The following PCDHGB4 variants were observed in gnomAD, a reference collection of about 807,000 sequenced individuals.
PCDHGB4 encodes protocadherin gamma-B4.
A neutral mutation model predicts 60.5 loss-of-function variants in PCDHGB4; 38 were observed. The observed-to-expected ratio is 0.63, with a 90% CI of 0.48 to 0.82. The LOEUF (loss-of-function observed/expected upper bound fraction) is 0.82. Among genes scored for constraint, PCDHGB4 ranks in the 40% least tolerant of loss-of-function variants. The pLI is 0.00. For missense variants in PCDHGB4, 1,109 were observed against 1,209.6 expected, an observed-to-expected ratio of 0.92 and a Z score of 1.23; for synonymous variants, 456 against 509.7, an observed-to-expected ratio of 0.89 and a Z score of 1.42.
chr5:141,477,066 T>C lies in PCDHGB4; in HGVS notation c.2398-17741T>C. ...CGGCTGGACTTCGAGGACACCAAAC[T>C]CCATGAGATTTACATCCAGGCCAAA... On this transcript the variant is annotated intron_variant, in intron 1 of 3. Coordinates refer to ENST00000519479, the MANE Select transcript of PCDHGB4 (RefSeq NM_003736.4). This position sits in a 1 kb window ranked among gnomAD's most constrained non-coding sequence, Gnocchi z 4.9. 6.2e-7 allele frequency: 1 copy of C among 1,614,148 alleles called. No homozygotes were observed. The highest frequency in any genetic ancestry group is 8.5e-7 in the Non-Finnish European group (1 of 1,180,028).
rs200931939 is a variant in PCDHGB4, at chr5:141,423,096, C to T, written c.2397+32815C>T. On this transcript the variant is annotated intron_variant, in intron 1 of 3. Transcript: ENST00000519479. Reference sequence around the variant, plus strand: ...CGGGACTCTTCGCGGTGGGGGAGCACACGGGCGAGGTGCGTACAGCGCGGG... The same window carrying T: ...CGGGACTCTTCGCGGTGGGGGAGCATACGGGCGAGGTGCGTACAGCGCGGG... The T allele has an allele frequency of 3.8e-5, 61 of 1,613,974 alleles. No individual in the cohort carries two copies. In the East Asian group the frequency reaches 1.3e-3, roughly 35 times the overall value.
intron 1 of PCDHGB4, among the ~76,000 whole-genome samples, chr5:141,448,086 T>TA (rs558292628): frequency 0.011 from 1,579 of 146,268 alleles, 11 homozygotes; most frequent in Non-Finnish European, 0.016. Context: ...AATGCCATCT[T>TA]AAAAAAAAAA....
At position 141,388,343 on chromosome 5, in the gene PCDHGB4, A is replaced by G. The variant is rs2091322753; in HGVS notation, c.459A>G (p.Ile153Met). ...SESAQPGTRF[I>M]LGSAHDADIG... ...CTGCACAGCCTGGCACACGATTTAT[A>G]TTAGGATCTGCCCATGATGCGGATA... The change falls in exon 1 of 4, where the codon ATA becomes ATG. Residue 153 changes from isoleucine (I) to methionine (M), a missense_variant. Physicochemically the swap from Ile to Met is conservative, Grantham distance 10 (BLOSUM62 1). Coordinates refer to ENST00000519479, the MANE Select transcript of PCDHGB4 (RefSeq NM_003736.4). 3 of 1,614,008 alleles carry G rather than the reference A, an allele frequency of 1.9e-6. No individual in the cohort carries two copies. The East Asian group carries it at 6.7e-5, about 36-fold the overall frequency.
chr5:141,439,632 T>C (rs1335553818), intron 1 of PCDHGB4, among the ~76,000 whole-genome samples: 1 of 152,182 alleles, frequency 6.6e-6, no homozygotes, highest in Non-Finnish European at 1.5e-5. Context: ...TCCCCAGACA[T>C]TCCGGCTTGG....
intron 1 of PCDHGB4, chr5:141,397,974 C>T: frequency 1.7e-6 from 2 of 1,174,456 alleles, no homozygotes; most frequent in Non-Finnish European, 1.2e-6. Context: ...TCCCCAGCGC[C>T]GGCCTTTACA....
At chr5:141,390,969 G>A (rs1232299434) in intron 1 of PCDHGB4, 5 of 152,168 alleles carry the variant, frequency 3.3e-5, no homozygotes, top group African/African-American at 4.8e-5. Flanking sequence ...TGTAACATAG[G>A]AGTTTCAGGA....
At chr5:141,393,228 G>C (rs753113857) in intron 1 of PCDHGB4, 2 of 1,613,720 alleles carry the variant, frequency 1.2e-6, no homozygotes, top group East Asian at 2.2e-5. Context: ...CGAAGATCTA[G>C]AAGTAAAAAT....
chr5:141,417,038 T>TTA (rs1491140470), intron 1 of PCDHGB4: 1 of 145,854 alleles, frequency 6.9e-6, no homozygotes, highest in Non-Finnish European at 1.5e-5. Context: ...GTTTTTTTTT[T>TTA]AAAAAAAACT....
At position 141,430,917 on chromosome 5, in the gene PCDHGB4, G is replaced by A. The variant is rs2097324810; in HGVS notation, c.2397+40636G>A. ...GTGGGCGACATCTCCAGGGACCTGG[G>A]GCTGGAGCCCCGGGAGCTCGCGGAG... On this transcript the variant is annotated intron_variant, in intron 1 of 3. Coordinates refer to ENST00000519479, the MANE Select transcript of PCDHGB4 (RefSeq NM_003736.4). The A allele has an allele frequency of 1.9e-6, 3 of 1,607,956 alleles. No individual in the cohort carries two copies. The highest frequency in any genetic ancestry group is 2.5e-6 in the Non-Finnish European group (3 of 1,177,520).
chr5:141,408,461 A>G, intron 1 of PCDHGB4: 4 of 1,614,044 alleles, frequency 2.5e-6, no homozygotes, highest in Non-Finnish European at 3.4e-6. Context: ...CTTACTTGTG[A>G]AGAACCGAAT....
chr5:141,490,497 C>T lies in PCDHGB4; in HGVS notation c.2398-4310C>T. 8 of 1,614,196 alleles carry T rather than the reference C, an allele frequency of 5.0e-6. No individual in the cohort carries two copies. Among genetic ancestry groups the T allele is most frequent in the Non-Finnish European group, 6.8e-6 (8 of 1,180,038 alleles). ...CTTTGGACCGGGAGGCCACATCCCACTATATCATCGAGCTGCTGGCCAGCG... is the reference window on the plus strand; with the variant it reads ...CTTTGGACCGGGAGGCCACATCCCATTATATCATCGAGCTGCTGGCCAGCG... On this transcript the variant is annotated intron_variant, in intron 1 of 3. Transcript: ENST00000519479. The surrounding 1 kb of genome is among the most constrained non-coding windows in gnomAD (Gnocchi z 5.4).
rs988237114 is a variant in PCDHGB4 at position 141,493,830 on chromosome 5, G to A, written c.2398-977G>A. On this transcript the variant is annotated intron_variant, in intron 1 of 3. Transcript: ENST00000519479. This position sits in a 1 kb window ranked among gnomAD's most constrained non-coding sequence, Gnocchi z 4.3. ...ATACTCACACTCTCTGCTTCTGGGA[G>A]CAAGTATGAGTATTAATTACCAGCC... 1.3e-5 allele frequency among the ~76,000 whole-genome samples: 2 copies of A among 152,218 alleles called. No individual in the cohort carries two copies. The highest frequency in any genetic ancestry group is 4.8e-5 in the African/African-American group (2 of 41,456).
chr5:141,389,919 C>T lies in PCDHGB4; in HGVS notation c.2035C>T (p.Pro679Ser), dbSNP rs777835466. The change falls in exon 1 of 4, where the codon CCC (proline) becomes TCC (serine). Residue 679 changes from proline (P) to serine (S), a missense_variant. Transcript: ENST00000519479. ...GCCGGATATCACTGACCGCCCCGAC[C>T]CCTCTGACCTCCAGGCTGAGCTGCA... The part of the protein sequence containing the change: ...VLPDITDRPD[P>S]SDLQAELQFY... 1.4e-5 allele frequency: 22 copies of T among 1,613,962 alleles called. No individual in the cohort carries two copies. Among genetic ancestry groups the T allele is most frequent in the Middle Eastern group, 1.6e-4 (1 of 6,084 alleles).
Position 141,478,120 on chromosome 5 carries a change from G to A in PCDHGB4, c.2398-16687G>A, listed in dbSNP as rs772548778. 3.1e-6 allele frequency: 5 copies of A among 1,613,948 alleles called. No homozygotes were observed. In the Admixed American group the frequency reaches 6.7e-5, roughly 22 times the overall value. ...CTACCCTCACTGTGTCAGTAACCGA[G>A]GACTCTCCTGAAGCCCGAGCCGAGT... On this transcript the variant is annotated intron_variant, in intron 1 of 3. Coordinates refer to ENST00000519479, the MANE Select transcript of PCDHGB4 (RefSeq NM_003736.4).
chr5:141,431,702 T>C lies in PCDHGB4; in HGVS notation c.2397+41421T>C, dbSNP rs1349630251. The C allele has an allele frequency of 5.6e-6, 9 of 1,614,110 alleles. No individual in the cohort carries two copies. In the East Asian group the frequency reaches 8.9e-5, roughly 16 times the overall value. Reference sequence around the variant, plus strand: ...GTTGGACCACGAGGAGTCAGGATTCTACCAGATGGAAGTGCAAGCAATGGA... The same window carrying C: ...GTTGGACCACGAGGAGTCAGGATTCCACCAGATGGAAGTGCAAGCAATGGA... On this transcript the variant is annotated intron_variant, in intron 1 of 3. Transcript: ENST00000519479. This position sits in a 1 kb window ranked among gnomAD's most constrained non-coding sequence, Gnocchi z 4.8.
Position 141,388,285 on chromosome 5 carries a change from C to T in PCDHGB4, c.401C>T (p.Thr134Met), listed in dbSNP as rs773340535. ...EDINDHTPKF[T>M]QNSFELQISE... is the part of the protein sequence containing the mutation. Reference sequence around the variant, plus strand: ...ATTAATGACCACACGCCAAAATTCACGCAAAATTCCTTTGAGCTGCAAATA... The same window carrying T: ...ATTAATGACCACACGCCAAAATTCATGCAAAATTCCTTTGAGCTGCAAATA... Residue 134 changes from threonine to methionine, a missense_variant, in exon 1 of 4, where the codon ACG becomes ATG. Physicochemically the swap from Thr to Met is moderately conservative, Grantham distance 81. Coordinates refer to ENST00000519479, the MANE Select transcript of PCDHGB4 (RefSeq NM_003736.4). 1.9e-6 allele frequency: 3 copies of T among 1,613,200 alleles called. No homozygotes were observed. Among genetic ancestry groups the T allele is most frequent in the Non-Finnish European group, 2.5e-6 (3 of 1,179,726 alleles).
rs761468303 is a variant in PCDHGB4 at position 141,421,659 on chromosome 5, T to C, written c.2397+31378T>C. 4 of 1,613,700 alleles carry C rather than the reference T, an allele frequency of 2.5e-6. No individual in the cohort carries two copies. The Admixed American group carries it at 6.7e-5, about 27-fold the overall frequency. On this transcript the variant is annotated intron_variant, in intron 1 of 3. Transcript: ENST00000519479. ...AGGACGAAGTGGAGATAAAAGTCAG[T>C]GAGCACGCAATTCCTGGGGCGCGAT...
In PCDHGB4 at chr5:141,491,561, A is replaced by G. The variant is rs1289732955; in HGVS notation, c.2398-3246A>G. ...CCCACAGACTCGCAGAGCCACTGCT[A>G]CAGGACGTGCTTTTCACCGGCCTCG... On this transcript the variant is annotated intron_variant, in intron 1 of 3. Transcript: ENST00000519479. The surrounding 1 kb of genome is among the most constrained non-coding windows in gnomAD (Gnocchi z 6.9). The G allele has an allele frequency of 6.2e-7, 1 of 1,613,938 alleles. No homozygotes were observed. Among genetic ancestry groups the G allele is most frequent in the Non-Finnish European group, 8.5e-7 (1 of 1,180,018 alleles).
rs1562131721 is a variant in PCDHGB4, at chr5:141,489,636, C to CGAGA, written c.2398-5171_2398-5170insGAGA. 10 of 1,614,074 alleles carry CGAGA rather than the reference C, an allele frequency of 6.2e-6. No individual in the cohort carries two copies. The highest frequency in any genetic ancestry group is 2.7e-5 in the African/African-American group (2 of 74,930). On this transcript the variant is annotated intron_variant, in intron 1 of 3. Coordinates refer to ENST00000519479, the MANE Select transcript of PCDHGB4 (RefSeq NM_003736.4). This position sits in a 1 kb window ranked among gnomAD's most constrained non-coding sequence, Gnocchi z 4.5. ...TGGATCTCAATGACAACTCTCCTAG[C>CGAGA]TTTGCCACCCCTGAGCGAGAGATGC...
Sources: gnomAD v4.1 joint callset for allele counts (sites outside exome capture counted in the v4.1 genomes callset) on GRCh38, gnomAD v4.1.1 for gene constraint, Gnocchi (gnomAD v3.1) non-coding constraint, MANE v1.5 for transcripts, NCBI Gene and HGNC (gene_info 2026-07-23, HGNC 2026-07-21) for gene names.